The following GRID2 variants were observed in gnomAD, a reference collection of about 807,000 sequenced individuals.
The protein encoded by GRID2 is glutamate receptor ionotropic, delta-2.
Under a neutral mutation model 114.8 loss-of-function variants are expected in GRID2, and 33 were observed. The ratio of observed to expected loss-of-function variants is 0.29; its 90% CI spans 0.22 to 0.38. The LOEUF is 0.38. Ranked by LOEUF, GRID2 falls within the 10% of genes least tolerant of loss-of-function variation. The pLI, the probability that GRID2 is intolerant of heterozygous loss-of-function variation, is 1.00. For synonymous variants in GRID2, 505 were observed against 449.9 expected (o/e 1.12, Z -1.55); for missense variants, 1,184 against 1,257.7 (o/e 0.94, Z 0.89).
chr4:92,600,740 A>AG (rs1486936816), intron 2 of GRID2, among the ~76,000 whole-genome samples: 4 of 152,184 alleles, frequency 2.6e-5, no homozygotes, highest in Non-Finnish European at 5.9e-5. Context: ...AGAACAGCAA[A>AG]GATGGCTGCC....
intron 8 of GRID2, among the ~76,000 whole-genome samples, chr4:93,249,007 G>C (rs992597910): frequency 6.6e-6 from 1 of 152,096 alleles, no homozygotes; most frequent in African/African-American, 2.4e-5. Context: ...ATGGTATTAA[G>C]GAAAACTTTT....
At chr4:93,678,494 A>C (rs1368569382) in intron 14 of GRID2, among the ~76,000 whole-genome samples, 1 of 152,024 alleles carries the variant, frequency 6.6e-6, no homozygotes, top group Non-Finnish European at 1.5e-5. Context: ...CCAAAGTTGA[A>C]CTGAAGGAAA....
At chr4:92,359,904 A>G (rs1324678620) in intron 1 of GRID2, among the ~76,000 whole-genome samples, 1 of 152,006 alleles carries the variant, frequency 6.6e-6, no homozygotes, top group Non-Finnish European at 1.5e-5. Context: ...CTGAAAAAAA[A>G]TCTTTATAGT....
intron 10 of GRID2, among the ~76,000 whole-genome samples, chr4:93,444,703 A>G (rs140668620): frequency 1.6e-3 from 248 of 152,128 alleles, no homozygotes; most frequent in African/African-American, 5.5e-3. Context: ...TGTTAAAAAT[A>G]CAAAAGTGAC....
At chr4:92,882,475 A>C (rs866245340) in intron 2 of GRID2, among the ~76,000 whole-genome samples, 1 of 152,204 alleles carries the variant, frequency 6.6e-6, no homozygotes, top group African/African-American at 2.4e-5. Context: ...TACTGAGGCA[A>C]TACTGGATAG....
chr4:93,583,745 G>T (rs11930195), intron 13 of GRID2, among the ~76,000 whole-genome samples: 28,942 of 151,962 alleles, frequency 0.19, 3,208 homozygotes, highest in Middle Eastern at 0.33. Context: ...GTCCAAGGCC[G>T]TTCCTCAGAC....
chr4:92,755,056 C>A (rs1737642977), intron 2 of GRID2, among the ~76,000 whole-genome samples: 1 of 152,098 alleles, frequency 6.6e-6, no homozygotes. Context: ...CATGATGTGA[C>A]AGGAGGCTGT....
At chr4:93,164,711 A>T (rs1424332455) in intron 4 of GRID2, 5 of 438,016 alleles carry the variant, frequency 1.1e-5, no homozygotes, top group Non-Finnish European at 2.3e-5. Flanking sequence ...AATATGCTTA[A>T]TTTTTTTCCT....
At chr4:92,735,293 A>C (rs1469967250) in intron 2 of GRID2, among the ~76,000 whole-genome samples, 2 of 152,104 alleles carry the variant, frequency 1.3e-5, no homozygotes, top group African/African-American at 2.4e-5. Flanking sequence ...CATACATTAT[A>C]TTTTTCTTAT....
chr4:93,450,120 A>G (rs926642814), intron 10 of GRID2, among the ~76,000 whole-genome samples: 13 of 151,924 alleles, frequency 8.6e-5, no homozygotes, highest in Admixed American at 2.6e-4. Flanking sequence ...ATTTATATCA[A>G]TTGAGGAAAC....
At chr4:92,836,232 C>G (rs1742449424) in intron 2 of GRID2, among the ~76,000 whole-genome samples, 2 of 152,176 alleles carry the variant, frequency 1.3e-5, no homozygotes, top group African/African-American at 4.8e-5. Flanking sequence ...AAAATGTTTG[C>G]TGGCTTCTGG....
chr4:92,515,555 T>C (rs1297659104), intron 1 of GRID2, among the ~76,000 whole-genome samples: 1 of 151,866 alleles, frequency 6.6e-6, no homozygotes, highest in Non-Finnish European at 1.5e-5. Flanking sequence ...AATCAAGAAG[T>C]CCAGTGATTT....
At chr4:93,786,717 A>G (rs1412064738) in intron 1 of GRID2, among the ~76,000 whole-genome samples, 1 of 152,242 alleles carries the variant, frequency 6.6e-6, no homozygotes, top group Non-Finnish European at 1.5e-5. Flanking sequence ...AAAGCTATCT[A>G]GAGCAACATG....
intron 14 of GRID2, among the ~76,000 whole-genome samples, chr4:93,728,737 G>T (rs569666666): frequency 6.6e-6 from 1 of 152,236 alleles, no homozygotes; most frequent in African/African-American, 2.4e-5. Flanking sequence ...TTACCATTAT[G>T]TAATGGCCTT....
In GRID2 at chr4:92,515,430, A is replaced by G. The variant is rs555358093; in HGVS notation, c.89-74701A>G. Among the ~76,000 whole-genome samples, 7 of 152,046 alleles carry G rather than the reference A, an allele frequency of 4.6e-5. No homozygotes were observed. In the East Asian group the frequency reaches 1.2e-3, roughly 25 times the overall value. ...TTATAAAAGATTATATTGAATAACT[A>G]TATGTTTTTCCTCTGGGATCTATTT... is the stretch of plus-strand genomic sequence containing the variant. On this transcript the variant is annotated intron_variant, in intron 1 of 15. Coordinates refer to ENST00000282020, the MANE Select transcript of GRID2 (RefSeq NM_001510.4).
intron 2 of GRID2, among the ~76,000 whole-genome samples, chr4:92,911,601 T>G (rs1270112099): frequency 6.6e-6 from 1 of 151,932 alleles, no homozygotes; most frequent in Non-Finnish European, 1.5e-5. Context: ...TACAGGGATT[T>G]TAGGACCACA....
intron 1 of GRID2, among the ~76,000 whole-genome samples, chr4:93,796,541 T>C (rs1052255383): frequency 1.3e-5 from 2 of 151,914 alleles, no homozygotes; most frequent in African/African-American, 4.8e-5. Flanking sequence ...CTTCTTTTGT[T>C]TGTTTGTTTG....
At chr4:92,600,042 GTGTATATATATATATATA>G (rs1400672121) in intron 2 of GRID2, among the ~76,000 whole-genome samples, 48 of 70,368 alleles carry the variant, frequency 6.8e-4, no homozygotes, top group African/African-American at 2.2e-3. Flanking sequence ...GTGTGTGTGT[GTGTATATATATATATATA>G]TATATATATA....
Position 93,201,595 on chromosome 4 carries a change from C to G in GRID2, c.736-5809C>G, listed in dbSNP as rs533831587. Among the ~76,000 whole-genome samples the G allele has an allele frequency of 2.0e-3, 310 of 152,288 alleles. 2 individuals carry two copies. The highest frequency in any genetic ancestry group is 0.014 in the Middle Eastern group (4 of 294). On this transcript the variant is annotated intron_variant, in intron 4 of 15. Transcript: ENST00000282020. ...AATGTGTAATATTTAGTACATCCTG[C>G]AAAAGGAACAAGCTTAATTTAGTTA...
Sources: gnomAD v4.1 joint callset for allele counts (sites outside exome capture counted in the v4.1 genomes callset) on GRCh38, gnomAD v4.1.1 for gene constraint, MANE v1.5 for transcripts, NCBI Gene and HGNC (gene_info 2026-07-23, HGNC 2026-07-21) for gene names.